VILL: variants seen among roughly 807,000 people sequenced by gnomAD.
The protein encoded by VILL is villin-like protein.
In VILL, 102 loss-of-function variants were observed where a neutral mutation model predicts 106.3. That is an observed-to-expected ratio of 0.96 (90% confidence interval 0.82 to 1.13). The LOEUF is 1.13. VILL is among the 50% of genes most tolerant of loss of function. The pLI is 0.00. For synonymous variants in VILL, 431 were observed against 440.3 expected (o/e 0.98, Z 0.27); for missense variants, 1,076 against 1,116.6 (o/e 0.96, Z 0.52).
At chr3:37,988,672 G>A (rs1327295775), upstream of VILL, among the ~76,000 whole-genome samples, 1 of 152,202 alleles carries the variant, frequency 6.6e-6, no homozygotes, top group African/African-American at 2.4e-5. Context: ...CAACCAGCCT[G>A]ACCAACATAG....
Position 38,007,142 on chromosome 3 carries a change from C to G in VILL, c.*87C>G. The G allele has an allele frequency of 1.8e-6, 2 of 1,129,860 alleles. No individual in the cohort carries two copies. The highest frequency in any genetic ancestry group is 2.6e-6 in the Non-Finnish European group (2 of 762,224). 70.0% of individuals were successfully genotyped at this position (1,129,860 alleles called of 1,614,324 possible). A position where few individuals can be genotyped will look rare whatever the true frequency, so the allele number is the denominator to read the frequency against. ...GCCCTGCTTCCACTCCCCTCAGAGG[C>G]TTTTGGTCATCCTCTGCGTGTCAGT... On this transcript the variant is annotated 3_prime_UTR_variant, in exon 20 of 20. Coordinates refer to ENST00000383759, the MANE Select transcript of VILL (RefSeq NM_015873.4).
chr3:37,996,214 G>A (rs1291865352), intron 5 of VILL, among the ~76,000 whole-genome samples: 2 of 152,172 alleles, frequency 1.3e-5, no homozygotes, highest in Non-Finnish European at 2.9e-5. Context: ...AACTTGGGCA[G>A]ATGGGGCAGA....
chr3:37,997,736 T>C lies in VILL; in HGVS notation c.764+51T>C. 1 of 1,558,618 alleles carries C rather than the reference T, an allele frequency of 6.4e-7. No individual in the cohort carries two copies. The highest frequency in any genetic ancestry group is 8.7e-7 in the Non-Finnish European group (1 of 1,149,762). The stretch of plus-strand genomic sequence containing the variant: ...GTGGGTGGGACAGTCCAGGACTCTG[T>C]GTCCATCACTACTGCAATAACACGG... On this transcript the variant is annotated intron_variant, in intron 7 of 19. Transcript: ENST00000383759. This position sits in a 1 kb window ranked among gnomAD's most constrained non-coding sequence, Gnocchi z 4.7.
chr3:38,002,615 A>G lies in VILL; in HGVS notation c.1659+40A>G, dbSNP rs1471467918. 3 of 1,588,880 alleles carry G rather than the reference A, an allele frequency of 1.9e-6. No homozygotes were observed. In the East Asian group the frequency reaches 6.7e-5, roughly 36 times the overall value. ...GACCACTTGATTCATGCCCAGATGTAGTGGTGCCAGGCTGGGGGTGGGTCC... is the reference window on the plus strand; with the variant it reads ...GACCACTTGATTCATGCCCAGATGTGGTGGTGCCAGGCTGGGGGTGGGTCC... On this transcript the variant is annotated intron_variant, in intron 14 of 19. Coordinates refer to ENST00000383759, the MANE Select transcript of VILL (RefSeq NM_015873.4).
intron 16 of VILL, among the ~76,000 whole-genome samples, chr3:38,005,285 C>A (rs1228497083): frequency 2.0e-5 from 3 of 152,202 alleles, no homozygotes; most frequent in South Asian, 4.1e-4. Flanking sequence ...CTGCTCCCCC[C>A]TCACTGCTTC....
At position 37,994,468 on chromosome 3, in the gene VILL, T is replaced by C; in HGVS notation, c.341+2T>C. ...CAGCTACTTCCGCCCGGGAATCATG[T>C]GAGTGCGGGGGCGACCGGGGCAGGA... On this transcript the variant is annotated splice_donor_variant, in intron 4 of 19. Coordinates refer to ENST00000383759, the MANE Select transcript of VILL (RefSeq NM_015873.4). LOFTEE classifies it high-confidence loss of function. 1 of 1,611,906 alleles carries C rather than the reference T, an allele frequency of 6.2e-7. No individual in the cohort carries two copies. Among genetic ancestry groups the C allele is most frequent in the Non-Finnish European group, 8.5e-7 (1 of 1,179,642 alleles).
chr3:37,997,964 A>C lies in VILL; in HGVS notation c.765-126A>C. 1.0e-6 allele frequency: 1 copy of C among 998,122 alleles called. No homozygotes were observed. The highest frequency in any genetic ancestry group is 1.4e-6 in the Non-Finnish European group (1 of 689,954). The allele number at this position is 998,122 out of a possible 1,614,324, so 61.8% of individuals were successfully genotyped here. On this transcript the variant is annotated intron_variant, in intron 7 of 19. Transcript: ENST00000383759. This position sits in a 1 kb window ranked among gnomAD's most constrained non-coding sequence, Gnocchi z 4.7. ...AGGCTGCAGTAAAAGTGAAGACTAC[A>C]ACTCGGGGCCCCAGCCCCCATGCCT...
At chr3:37,993,114 G>T (rs756713418) in intron 1 of VILL, among the ~76,000 whole-genome samples, 23 of 152,176 alleles carry the variant, frequency 1.5e-4, no homozygotes, top group Non-Finnish European at 3.4e-4. Flanking sequence ...TAACAAAATC[G>T]ACAGAAGTGA....
chr3:38,000,122 C>T (rs1282250581), intron 11 of VILL, among the ~76,000 whole-genome samples: 1 of 152,230 alleles, frequency 6.6e-6, no homozygotes, highest in Non-Finnish European at 1.5e-5. Context: ...TCCCATCTGG[C>T]CCCAAGGCTG....
At chr3:37,995,678 ATGG>A in intron 4 of VILL, 58 bp from the exon 5 acceptor site, 5 of 1,388,668 alleles carry the variant, frequency 3.6e-6, no homozygotes, top group Non-Finnish European at 5.1e-6. Context: ...ATTCATGCAC[ATGG>A]CAGTCTGTGT....
Position 37,997,979 on chromosome 3 carries a change from C to A in VILL, c.765-111C>A. ...TGAAGACTACAACTCGGGGCCCCAG[C>A]CCCCATGCCTTCTGTCTCTGAGGGA... On this transcript the variant is annotated intron_variant, in intron 7 of 19. Coordinates refer to ENST00000383759, the MANE Select transcript of VILL (RefSeq NM_015873.4). The surrounding 1 kb of genome is among the most constrained non-coding windows in gnomAD (Gnocchi z 4.7). 8.6e-7 allele frequency: 1 copy of A among 1,169,550 alleles called. No homozygotes were observed. The highest frequency in any genetic ancestry group is 1.2e-6 in the Non-Finnish European group (1 of 838,216). 72.4% of individuals were successfully genotyped at this position (1,169,550 alleles called of 1,614,324 possible).
rs1241676700 is a variant in VILL, at chr3:38,006,459, A to T, written c.2216A>T (p.Asn739Ile). Reference protein sequence around the residue: ...TISEITAEVNNLRLSRWPGNG... With the variant: ...TISEITAEVNILRLSRWPGNG... ...CTCCTCTCTGGACAGGAAGTCAACA[A>T]CTTGCGGCTATCCAGATGGCCGGGC... Residue 739 changes from asparagine to isoleucine, a missense_variant, in exon 19 of 20, where the codon AAC (asparagine) becomes ATC (isoleucine). Transcript: ENST00000383759. 6.2e-7 allele frequency: 1 copy of T among 1,601,540 alleles called. No homozygotes were observed. The highest frequency in any genetic ancestry group is 8.5e-7 in the Non-Finnish European group (1 of 1,171,370).
chr3:38,005,535 G>T (rs1054643742), intron 16 of VILL, among the ~76,000 whole-genome samples: 2 of 152,138 alleles, frequency 1.3e-5, no homozygotes, highest in African/African-American at 4.8e-5. Context: ...AGTATTTGTG[G>T]ATTGATCTCC....
At chr3:38,001,905 C>T (rs759016162) in intron 13 of VILL, 45 bp downstream of exon 13, 2 of 1,612,912 alleles carry the variant, frequency 1.2e-6, no homozygotes, top group Non-Finnish European at 1.7e-6. Context: ...CCCAGTTCTG[C>T]ATGGGCCATG....
In VILL at chr3:38,005,861, A is replaced by C. The variant is rs1374706383; in HGVS notation, c.2020A>C (p.Lys674Gln). The C allele has an allele frequency of 1.2e-6, 2 of 1,614,090 alleles. No homozygotes were observed. Among genetic ancestry groups the C allele is most frequent in the Admixed American group, 1.7e-5 (1 of 60,020 alleles). ...EAVAWGQEYL[K>Q]THPAGRSPAT... Reference sequence around the variant, plus strand: ...GGTGGCCTGGGGCCAGGAGTACCTGAAGACTCACCCAGCAGGGAGGAGCCC... The same window carrying C: ...GGTGGCCTGGGGCCAGGAGTACCTGCAGACTCACCCAGCAGGGAGGAGCCC... The change falls in exon 17 of 20, where the codon AAG becomes CAG. Residue 674 changes from lysine (K) to glutamine (Q), a missense_variant. Coordinates refer to ENST00000383759, the MANE Select transcript of VILL (RefSeq NM_015873.4).
intron 17 of VILL, 39 bp from the exon 18 acceptor site, chr3:38,006,142 C>T: frequency 1.9e-6 from 3 of 1,613,992 alleles, no homozygotes; most frequent in Non-Finnish European, 2.5e-6. Flanking sequence ...CCCCCTTCTC[C>T]TGCCCTGGCC....
intron 1 of VILL, among the ~76,000 whole-genome samples, chr3:37,992,598 T>G (rs1353676917): frequency 6.6e-6 from 1 of 152,202 alleles, no homozygotes; most frequent in African/African-American, 2.4e-5. Flanking sequence ...AGGAATCTGC[T>G]GCTCTGGTGA....
intron 16 of VILL, 56 bp downstream of exon 16, chr3:38,004,455 T>A: frequency 1.3e-6 from 2 of 1,572,638 alleles, no homozygotes; most frequent in Non-Finnish European, 1.7e-6. Context: ...TTTCTGTTTG[T>A]GTAACTGGGT....
chr3:37,996,966 C>T (rs915645574), intron 5 of VILL, 111 bp from the exon 6 acceptor site: 19 of 873,382 alleles, frequency 2.2e-5, no homozygotes, highest in Admixed American at 1.1e-4. Flanking sequence ...CACATGCCTA[C>T]GTACACCCAG....
Sources: allele counts gnomAD v4.1 joint callset (sites outside exome capture counted in the v4.1 genomes callset), GRCh38; gene constraint gnomAD v4.1.1; non-coding constraint Gnocchi (gnomAD v3.1); transcripts MANE v1.5; gene names NCBI Gene and HGNC (gene_info 2026-07-23, HGNC 2026-07-21).